Variants in FYN observed in about 807,000 individuals in gnomAD.
The protein encoded by FYN is tyrosine-protein kinase Fyn.
FYN carries 10 observed loss-of-function variants against 70.2 expected under a neutral mutation model. The ratio of observed to expected loss-of-function variants is 0.14; its 90% CI spans 0.09 to 0.24. The LOEUF (loss-of-function observed/expected upper bound fraction) is 0.24. FYN is among the 10% of genes least tolerant of loss of function. FYN has a pLI of 1.00. For missense variants in FYN, 319 were observed against 673.1 expected, an observed-to-expected ratio of 0.47 and a Z score of 5.82; for synonymous variants, 236 against 248.6, an observed-to-expected ratio of 0.95 and a Z score of 0.48.
intron 12 of FYN, among the ~76,000 whole-genome samples, chr6:111,690,935 A>G (rs548800984): frequency 6.6e-6 from 1 of 152,310 alleles, no homozygotes; most frequent in Non-Finnish European, 1.5e-5. Flanking sequence ...AGCTCCTAGT[A>G]AAGTCCTTTC....
intron 1 of FYN, among the ~76,000 whole-genome samples, chr6:111,854,595 T>G (rs1773774092): frequency 6.6e-6 from 1 of 152,246 alleles, no homozygotes; most frequent in African/African-American, 2.4e-5. Context: ...CTGCTACAGA[T>G]CTTTTAAAGA....
chr6:111,670,447 A>G (rs901924866), intron 13 of FYN, among the ~76,000 whole-genome samples: 1 of 152,106 alleles, frequency 6.6e-6, no homozygotes, highest in African/African-American at 2.4e-5. Context: ...AACATTCAAT[A>G]TATTTTGCTT....
chr6:111,806,388 G>A (rs1400758142), intron 2 of FYN, among the ~76,000 whole-genome samples: 1 of 152,144 alleles, frequency 6.6e-6, no homozygotes, highest in Non-Finnish European at 1.5e-5. Flanking sequence ...GGGTCAGGAG[G>A]ACACCCCTTC....
intron 3 of FYN, among the ~76,000 whole-genome samples, chr6:111,773,476 CGAGAGG>C (rs772251918): frequency 0.017 from 760 of 44,464 alleles, 17 homozygotes; most frequent in Middle Eastern, 0.026. Context: ...AAAGGGAAAA[CGAGAGG>C]GAGAGGGAGA....
chr6:111,846,145 C>T (rs533409973), intron 2 of FYN, among the ~76,000 whole-genome samples: 8 of 152,286 alleles, frequency 5.3e-5, no homozygotes, highest in Non-Finnish European at 8.8e-5. Flanking sequence ...TTCAAAGATA[C>T]GGCTCAGGCA....
intron 3 of FYN, among the ~76,000 whole-genome samples, chr6:111,747,007 T>C (rs1802255745): frequency 6.6e-6 from 1 of 152,186 alleles, no homozygotes; most frequent in Non-Finnish European, 1.5e-5. Context: ...TATAAATGGT[T>C]AGGTACATAA....
chr6:111,848,200 G>A (rs1206438085), intron 1 of FYN, among the ~76,000 whole-genome samples: 1 of 152,218 alleles, frequency 6.6e-6, no homozygotes, highest in African/African-American at 2.4e-5. Flanking sequence ...GCTCAGAAAA[G>A]TTGTTGCTCT....
chr6:111,838,377 C>T (rs895949914), intron 2 of FYN, among the ~76,000 whole-genome samples: 2 of 152,196 alleles, frequency 1.3e-5, no homozygotes, highest in Non-Finnish European at 2.9e-5. Flanking sequence ...ATCACAAATG[C>T]AGAATACCTT....
At chr6:111,852,623 GA>G (rs1480135457) in intron 1 of FYN, among the ~76,000 whole-genome samples, 2 of 152,028 alleles carry the variant, frequency 1.3e-5, no homozygotes, top group East Asian at 3.9e-4. Context: ...CCAACTGAAG[GA>G]ACTGTGTCAG....
At chr6:111,807,631 AG>A (rs1772190029) in intron 2 of FYN, among the ~76,000 whole-genome samples, 1 of 152,168 alleles carries the variant, frequency 6.6e-6, no homozygotes, top group Admixed American at 6.5e-5. Flanking sequence ...CTATGTTATC[AG>A]GTTCTGCATC....
intron 3 of FYN, among the ~76,000 whole-genome samples, chr6:111,778,799 A>C (rs1771054705): frequency 6.6e-6 from 1 of 151,582 alleles, no homozygotes; most frequent in Non-Finnish European, 1.5e-5. Flanking sequence ...CAGCCTCCTT[A>C]CTTTCTTTTT....
chr6:111,716,866 C>T (rs996481589), intron 4 of FYN, among the ~76,000 whole-genome samples: 7 of 150,640 alleles, frequency 4.6e-5, no homozygotes, highest in Non-Finnish European at 7.4e-5. Flanking sequence ...CTCACTGCAA[C>T]CTCCGCCTCC....
intron 3 of FYN, among the ~76,000 whole-genome samples, chr6:111,726,378 C>G (rs1396538993): frequency 1.3e-5 from 2 of 152,178 alleles, no homozygotes; most frequent in Non-Finnish European, 2.9e-5. Flanking sequence ...TCCCTGTAGC[C>G]TAGGTGCAGG....
chr6:111,731,628 C>CA (rs1801459694), intron 3 of FYN, among the ~76,000 whole-genome samples: 1 of 152,216 alleles, frequency 6.6e-6, no homozygotes, highest in African/African-American at 2.4e-5. Flanking sequence ...TGTAGAATTT[C>CA]AAAGCTTCTT....
At chr6:111,780,268 T>C (rs1334098554) in intron 3 of FYN, among the ~76,000 whole-genome samples, 12 of 152,238 alleles carry the variant, frequency 7.9e-5, no homozygotes, top group Admixed American at 7.2e-4. Flanking sequence ...TCTTATATTA[T>C]ATGGCTGGCT....
At chr6:111,841,157 C>G (rs561283444) in intron 2 of FYN, among the ~76,000 whole-genome samples, 1 of 152,332 alleles carries the variant, frequency 6.6e-6, no homozygotes, top group Admixed American at 6.5e-5. Context: ...TGGGCTTCCC[C>G]CACTCCCACT....
chr6:111,707,111 C>T (rs1040643061), intron 6 of FYN, among the ~76,000 whole-genome samples: 3 of 152,174 alleles, frequency 2.0e-5, no homozygotes, highest in Non-Finnish European at 4.4e-5. Flanking sequence ...TGACTTTTCT[C>T]AACTTCCTTT....
intron 3 of FYN, among the ~76,000 whole-genome samples, chr6:111,773,627 A>AGAGGGGGGAG (rs1803585943): frequency 1.4e-4 from 2 of 13,992 alleles, no homozygotes; most frequent in Non-Finnish European, 2.2e-4. Context: ...AGAGGGGGAA[A>AGAGGGGGGAG]GGAGAGGGGG....
intron 3 of FYN, among the ~76,000 whole-genome samples, chr6:111,752,753 T>G (rs1412659905): frequency 6.6e-6 from 1 of 152,156 alleles, no homozygotes; most frequent in South Asian, 2.1e-4. Flanking sequence ...AGAATGACAC[T>G]TGGTCTGGCA....
Sources: gnomAD v4.1 joint callset for allele counts (sites outside exome capture counted in the v4.1 genomes callset) on GRCh38, gnomAD v4.1.1 for gene constraint, MANE v1.5 for transcripts, NCBI Gene and HGNC (gene_info 2026-07-23, HGNC 2026-07-21) for gene names.